The following FAM83B variants were observed in gnomAD, a reference collection of about 807,000 sequenced individuals.
FAM83B encodes protein FAM83B.
Under a neutral mutation model 38.8 loss-of-function variants are expected in FAM83B, and 26 were observed. The observed-to-expected ratio is 0.67, with a 90% confidence interval of 0.49 to 0.93. The LOEUF (loss-of-function observed/expected upper bound fraction) is 0.93. Ranked by LOEUF, FAM83B falls within the 40% of genes least tolerant of loss-of-function variation. The pLI is 0.00. For missense variants in FAM83B, 1,237 were observed against 1,197.3 expected, an observed-to-expected ratio of 1.03 and a Z score of -0.49; for synonymous variants, 419 against 423.1, an observed-to-expected ratio of 0.99 and a Z score of 0.12.
chr6:54,870,540 T>G lies in FAM83B; in HGVS notation c.294T>G (p.Asp98Glu). The G allele has an allele frequency of 6.2e-7, 1 of 1,614,104 alleles. No homozygotes were observed. Among genetic ancestry groups the G allele is most frequent in the African/African-American group, 1.3e-5 (1 of 75,046 alleles). The change falls in exon 2 of 5, where the codon GAT (aspartate) becomes GAG (glutamate). Residue 98 changes from aspartate to glutamate, a missense_variant. Asp to Glu is a conservative substitution (Grantham distance 45). Transcript: ENST00000306858. The part of the protein sequence containing the change: ...SSGTYWPVES[D>E]VEAPNLDLGW... The stretch of plus-strand genomic sequence containing the variant: ...GGACCTACTGGCCTGTTGAGTCTGA[T>G]GTGGAAGCTCCAAATCTTGACTTAG...
At position 54,848,224 on chromosome 6, in the gene FAM83B, A is replaced by G. The variant is rs183341080; in HGVS notation, c.-61+1398A>G. On this transcript the variant is annotated intron_variant, in intron 1 of 4. Coordinates refer to ENST00000306858, the MANE Select transcript of FAM83B (RefSeq NM_001010872.3). ...TGCGTTTGTTTCTCTCTGTCTTCCT[A>G]TAGTTCCCAGAAAAGTAGAAGTCCC... Among the ~76,000 whole-genome samples the G allele has an allele frequency of 3.8e-3, 572 of 152,252 alleles. 1 individual carries two copies. The highest frequency in any genetic ancestry group is 6.2e-3 in the Non-Finnish European group (424 of 68,016).
At chr6:54,894,539 G>A (rs1268340400) in intron 2 of FAM83B, among the ~76,000 whole-genome samples, 2 of 152,284 alleles carry the variant, frequency 1.3e-5, no homozygotes, top group South Asian at 4.1e-4. Context: ...TTATACTTGA[G>A]AGAACACAGT....
Position 54,941,057 on chromosome 6 carries a change from CCAGAAAAGCCCAAAGAAGATTTG to C in FAM83B, c.2088_2110del (p.Pro699PhefsTer2). 2 of 1,613,394 alleles carry C rather than the reference CCAGAAAAGCCCAAAGAAGATTTG, an allele frequency of 1.2e-6. No homozygotes were observed. The highest frequency in any genetic ancestry group is 1.7e-6 in the Non-Finnish European group (2 of 1,179,856). On this transcript the variant is annotated frameshift_variant, in exon 5 of 5. Coordinates refer to ENST00000306858, the MANE Select transcript of FAM83B (RefSeq NM_001010872.3). LOFTEE classifies it high-confidence loss of function. Reference sequence around the variant, plus strand: ...ACTTACCAGGAATCGAGTTAGACAACCAGAAAAGCCCAAAGAAGATTTGCTGAAAAGTTCTAAAAGCATGCACA... The same window carrying C: ...ACTTACCAGGAATCGAGTTAGACAACCTGAAAAGTTCTAAAAGCATGCACA...
chr6:54,872,689 G>A (rs1011965168), intron 2 of FAM83B, among the ~76,000 whole-genome samples: 12 of 152,090 alleles, frequency 7.9e-5, no homozygotes, highest in Non-Finnish European at 1.5e-4. Context: ...TTCTAATGTG[G>A]CAGCTTTGTA....
At chr6:54,878,799 ACT>A (rs759111328) in intron 2 of FAM83B, among the ~76,000 whole-genome samples, 11 of 152,202 alleles carry the variant, frequency 7.2e-5, no homozygotes, top group Non-Finnish European at 1.3e-4. Context: ...TTAACAGTAT[ACT>A]TCTGGCTGTA....
At chr6:54,886,133 T>A (rs893641515) in intron 2 of FAM83B, among the ~76,000 whole-genome samples, 1 of 152,122 alleles carries the variant, frequency 6.6e-6, no homozygotes. Context: ...ATCCTGGAAT[T>A]CATTTGAATT....
At position 54,870,405 on chromosome 6, in the gene FAM83B, A is replaced by G. The variant is rs1433435770; in HGVS notation, c.159A>G (p.Ser53=). 1.9e-6 allele frequency: 3 copies of G among 1,613,990 alleles called. No individual in the cohort carries two copies. The highest frequency in any genetic ancestry group is 2.5e-6 in the Non-Finnish European group (3 of 1,179,992). The change falls in exon 2 of 5, where the codon TCA becomes TCG. Residue 53 remains serine (S), a synonymous_variant. Transcript: ENST00000306858. ...YQEFLVQERV[S]DFLAEEEINY... ...AATTTCTTGTCCAGGAACGAGTTTCAGACTTTCTTGCTGAGGAAGAAATTA... is the reference window on the plus strand; with the variant it reads ...AATTTCTTGTCCAGGAACGAGTTTCGGACTTTCTTGCTGAGGAAGAAATTA...
At chr6:54,938,028 C>G (rs1773561270) in intron 4 of FAM83B, among the ~76,000 whole-genome samples, 1 of 152,004 alleles carries the variant, frequency 6.6e-6, no homozygotes, top group African/African-American at 2.4e-5. Flanking sequence ...CCCCTCACCC[C>G]TCTCCTACCC....
At chr6:54,894,201 G>A (rs970625711) in intron 2 of FAM83B, among the ~76,000 whole-genome samples, 4 of 152,198 alleles carry the variant, frequency 2.6e-5, no homozygotes, top group African/African-American at 7.2e-5. Flanking sequence ...GTAACCATTG[G>A]CCTTCAGGGA....
chr6:54,934,952 T>C (rs924213768), intron 4 of FAM83B, among the ~76,000 whole-genome samples: 2 of 152,166 alleles, frequency 1.3e-5, no homozygotes, highest in Admixed American at 6.6e-5. Flanking sequence ...CCACCACTTC[T>C]CCATCAGATT....
chr6:54,922,839 T>C (rs1347659204), intron 2 of FAM83B, among the ~76,000 whole-genome samples: 1 of 152,126 alleles, frequency 6.6e-6, no homozygotes, highest in Non-Finnish European at 1.5e-5. Flanking sequence ...CATTATGCTG[T>C]ATATTGCCAT....
At chr6:54,851,335 CT>C (rs1261033453) in intron 1 of FAM83B, among the ~76,000 whole-genome samples, 1 of 151,766 alleles carries the variant, frequency 6.6e-6, no homozygotes, top group African/African-American at 2.4e-5. Flanking sequence ...TTATCTATCC[CT>C]TCTGAGTCCT....
At chr6:54,928,329 C>G (rs1161992301) in intron 4 of FAM83B, among the ~76,000 whole-genome samples, 5 of 152,152 alleles carry the variant, frequency 3.3e-5, no homozygotes, top group African/African-American at 9.7e-5. Context: ...TGTCTCCTGT[C>G]TTAGTAACAG....
chr6:54,852,776 G>A (rs1021028811), intron 1 of FAM83B, among the ~76,000 whole-genome samples: 5 of 152,214 alleles, frequency 3.3e-5, no homozygotes, highest in Non-Finnish European at 5.9e-5. Context: ...CACATCATGA[G>A]AGAGTAAAAT....
rs554307217 is a variant in FAM83B at position 54,870,471 on chromosome 6, A to G, written c.225A>G (p.Thr75=). ...LKNVQKVAQS[T]AHGTDDSCDD... Reference sequence around the variant, plus strand: ...ATGTCCAGAAAGTTGCACAAAGCACAGCACATGGTACTGATGATTCCTGTG... The same window carrying G: ...ATGTCCAGAAAGTTGCACAAAGCACGGCACATGGTACTGATGATTCCTGTG... The change falls in exon 2 of 5, where the codon ACA becomes ACG. Residue 75 remains threonine (T), a synonymous_variant. Coordinates refer to ENST00000306858, the MANE Select transcript of FAM83B (RefSeq NM_001010872.3). The G allele has an allele frequency of 6.2e-7, 1 of 1,614,104 alleles. No individual in the cohort carries two copies. The highest frequency in any genetic ancestry group is 1.3e-5 in the African/African-American group (1 of 75,042).
intron 1 of FAM83B, among the ~76,000 whole-genome samples, chr6:54,860,547 A>G (rs967300840): frequency 1.3e-5 from 2 of 152,250 alleles, no homozygotes; most frequent in Non-Finnish European, 1.5e-5. Flanking sequence ...ATTAAGCTAT[A>G]GTAACCAGGA....
At position 54,883,489 on chromosome 6, in the gene FAM83B, CA is replaced by C. The variant is rs1218665106; in HGVS notation, c.444+12800del. On this transcript the variant is annotated intron_variant, in intron 2 of 4. Transcript: ENST00000306858. Reference sequence around the variant, plus strand: ...AGCTGGGATTACAGGCATGTACCACCATGCCTGGCTAATTTTTTGTATTTTT... The same window carrying C: ...AGCTGGGATTACAGGCATGTACCACCTGCCTGGCTAATTTTTTGTATTTTT... 4.0e-5 allele frequency among the ~76,000 whole-genome samples: 6 copies of C among 151,694 alleles called. No homozygotes were observed. The East Asian group carries it at 7.8e-4, about 20-fold the overall frequency.
rs1047717926 is a variant in FAM83B, at chr6:54,942,869, A to C, written c.*862A>C. Among the ~76,000 whole-genome samples, 1 of 151,600 alleles carries C rather than the reference A, an allele frequency of 6.6e-6. No homozygotes were observed. The highest frequency in any genetic ancestry group is 2.4e-5 in the African/African-American group (1 of 41,240). ...TAAATTTTTGTTAGATTGGCATGAC[A>C]ATGCTAAGGGGTCTTGCTTGCGAAA... On this transcript the variant is annotated 3_prime_UTR_variant, in exon 5 of 5. Coordinates refer to ENST00000306858, the MANE Select transcript of FAM83B (RefSeq NM_001010872.3).
intron 2 of FAM83B, among the ~76,000 whole-genome samples, chr6:54,873,542 T>TTA (rs1561909976): frequency 6.6e-6 from 1 of 152,148 alleles, no homozygotes; most frequent in Non-Finnish European, 1.5e-5. Context: ...GGGAGCCTAA[T>TTA]AGTCATCAGG....
Sources: allele counts gnomAD v4.1 joint callset (sites outside exome capture counted in the v4.1 genomes callset), GRCh38; gene constraint gnomAD v4.1.1; transcripts MANE v1.5; gene names NCBI Gene and HGNC (gene_info 2026-07-23, HGNC 2026-07-21).